USP8: variants seen among roughly 807,000 people sequenced by gnomAD.
The protein encoded by USP8 is ubiquitin specific peptidase 8, also known as ubiquitin carboxyl-terminal hydrolase 8.
Under a neutral mutation model 130.0 loss-of-function variants are expected in USP8, and 27 were observed. The ratio of observed to expected loss-of-function variants is 0.21; its 90% confidence interval spans 0.15 to 0.29. USP8 has a LOEUF of 0.29. Among genes scored for constraint, USP8 ranks in the 10% least tolerant of loss-of-function variants. The pLI is 1.00. For synonymous variants in USP8, 392 were observed against 444.1 expected (o/e 0.88, Z 1.48); for missense variants, 1,029 against 1,312.2 (o/e 0.78, Z 3.33).
intron 10 of USP8, among the ~76,000 whole-genome samples, chr15:50,479,201 G>A (rs2051677343): frequency 6.6e-6 from 1 of 152,232 alleles, no homozygotes; most frequent in African/African-American, 2.4e-5. Context: ...CTGGAGCACA[G>A]AGCAAGGAGA....
rs577721478 is a variant in USP8, at chr15:50,443,675, G to T, written c.249+2182G>T. 3.2e-4 allele frequency among the ~76,000 whole-genome samples: 48 copies of T among 151,654 alleles called. 1 individual carries two copies. The Middle Eastern group carries it at 0.01, about 32-fold the overall frequency. On this transcript the variant is annotated intron_variant, in intron 3 of 19. Transcript: ENST00000307179. ...ATTTTTGTGTTTTTAGTAGAGATGG[G>T]CTTTCACCATATTGGCCAGGCTGGT... is the stretch of plus-strand genomic sequence containing the variant.
chr15:50,490,412 T>C lies in USP8; in HGVS notation c.2121T>C (p.Asp707=), dbSNP rs767210381. 63 of 1,614,140 alleles carry C rather than the reference T, an allele frequency of 3.9e-5. 3 individuals are homozygous for C. The Middle Eastern group carries it at 6.6e-4, about 17-fold the overall frequency. ...KAKPQIPAER[D]REPSKLKRSY... is the part of the protein sequence containing the mutation. ...AGCCACAGATTCCTGCTGAGCGGGA[T>C]AGGGAACCTTCCAAACTGAAGCGCT... is the stretch of plus-strand genomic sequence containing the variant. The change falls in exon 14 of 20, where the codon GAT becomes GAC. Residue 707 remains aspartate (D), a synonymous_variant. Transcript: ENST00000307179.
chr15:50,465,029 GTCTC>G lies in USP8; in HGVS notation c.542-13_542-10del, dbSNP rs765305132. The G allele has an allele frequency of 3.1e-6, 5 of 1,612,434 alleles. No homozygotes were observed. Among genetic ancestry groups the G allele is most frequent in the Non-Finnish European group, 1.7e-6 (2 of 1,179,108 alleles). ...TGTGCTGTTTCTTGTCACTTACACT[GTCTC>G]TCTCAATTCCAAGGAGCAATCACAG... On this transcript the variant is annotated splice_polypyrimidine_tract_variant and intron_variant, in intron 6 of 19. Coordinates refer to ENST00000307179, the MANE Select transcript of USP8 (RefSeq NM_005154.5).
At chr15:50,433,847 C>T (rs563724057) in intron 1 of USP8, among the ~76,000 whole-genome samples, 66 of 152,282 alleles carry the variant, frequency 4.3e-4, no homozygotes, top group East Asian at 4.3e-3. Context: ...CCTCGTGATC[C>T]GCCCGCCTTG....
intron 12 of USP8, among the ~76,000 whole-genome samples, chr15:50,484,960 T>C (rs1418109699): frequency 1.3e-5 from 2 of 152,110 alleles, no homozygotes; most frequent in South Asian, 2.1e-4. Flanking sequence ...GAAAGTAGAA[T>C]GGTGGTTGTC....
In USP8 at chr15:50,499,000, A is replaced by G. The variant is rs1340335724; in HGVS notation, c.3269A>G (p.Asp1090Gly). Reference protein sequence around the residue: ...WFKFDDHEVSDISVSSVKSSA... With the variant: ...WFKFDDHEVSGISVSSVKSSA... Reference sequence around the variant, plus strand: ...AAGTTTGATGATCATGAAGTTTCTGATATCTCCGTTTCTTCTGTGAAATCT... The same window carrying G: ...AAGTTTGATGATCATGAAGTTTCTGGTATCTCCGTTTCTTCTGTGAAATCT... The change falls in exon 20 of 20, where the codon GAT becomes GGT. Residue 1090 changes from aspartate to glycine, a missense_variant. Physicochemically the swap from Asp to Gly is moderately conservative, Grantham distance 94 (BLOSUM62 -1). Coordinates refer to ENST00000307179, the MANE Select transcript of USP8 (RefSeq NM_005154.5). The G allele has an allele frequency of 6.8e-6, 11 of 1,613,848 alleles. No individual in the cohort carries two copies. Among genetic ancestry groups the G allele is most frequent in the African/African-American group, 2.7e-5 (2 of 74,910 alleles).
At chr15:50,431,771 C>G (rs1479747134) in intron 1 of USP8, among the ~76,000 whole-genome samples, 1 of 152,218 alleles carries the variant, frequency 6.6e-6, no homozygotes, top group East Asian at 1.9e-4. Flanking sequence ...ATTCTCCTGC[C>G]TCAGCCTCCT....
chr15:50,440,308 A>G (rs148836437), intron 2 of USP8, among the ~76,000 whole-genome samples: 1 of 152,286 alleles, frequency 6.6e-6, no homozygotes, highest in Non-Finnish European at 1.5e-5. Context: ...CTCTAGCACT[A>G]CCCTTATCCC....
At chr15:50,437,520 T>C (rs1350691240) in intron 1 of USP8, among the ~76,000 whole-genome samples, 1 of 152,242 alleles carries the variant, frequency 6.6e-6, no homozygotes, top group Non-Finnish European at 1.5e-5. Context: ...GTATGTTTTC[T>C]GGTTAAACTA....
intron 2 of USP8, among the ~76,000 whole-genome samples, chr15:50,441,110 A>C (rs901121899): frequency 1.3e-5 from 2 of 151,986 alleles, no homozygotes; most frequent in African/African-American, 4.8e-5. Context: ...CAGGAGGTGG[A>C]GCTCAGGTGG....
At chr15:50,496,180 C>T in intron 17 of USP8, 96 bp downstream of exon 17, 1 of 1,062,652 alleles carries the variant, frequency 9.4e-7, no homozygotes. Flanking sequence ...CCCTTACAAA[C>T]ATTTTATCAG....
intron 3 of USP8, among the ~76,000 whole-genome samples, chr15:50,448,872 G>A (rs768085598): frequency 6.6e-6 from 1 of 152,082 alleles, no homozygotes; most frequent in Non-Finnish European, 1.5e-5. Flanking sequence ...TAGTTGCTTA[G>A]AGTTTCCTAA....
chr15:50,505,433 AGAAT>A lies in USP8; in HGVS notation c.*6349_*6352del, dbSNP rs1276882581. ...GAATTTGATTTCTAGTTATCATCCA[AGAAT>A]GAAAGTGAATTAAAGACTTCTCAAA... On this transcript the variant is annotated 3_prime_UTR_variant, in exon 20 of 20. Coordinates refer to ENST00000307179, the MANE Select transcript of USP8 (RefSeq NM_005154.5). 6.6e-6 allele frequency: 1 copy of A among 152,234 alleles called. No homozygotes were observed. The highest frequency in any genetic ancestry group is 1.5e-5 in the Non-Finnish European group (1 of 68,038). 9.4% of individuals were successfully genotyped at this position (152,234 alleles called of 1,614,324 possible). A position where few individuals can be genotyped will look rare whatever the true frequency, so the allele number is the denominator to read the frequency against.
At chr15:50,485,765 A>T (rs890646373) in intron 12 of USP8, among the ~76,000 whole-genome samples, 1 of 151,796 alleles carries the variant, frequency 6.6e-6, no homozygotes, top group Non-Finnish European at 1.5e-5. Context: ...TCTGTAGATG[A>T]CTGGTTCCAC....
rs1211588467 is a variant in USP8 at position 50,498,684 on chromosome 15, G to T, written c.3127G>T (p.Gly1043Cys). ...ENLDLSQYVIGPKNNLKKYNL... is the reference protein window; with the variant it reads ...ENLDLSQYVICPKNNLKKYNL... Reference sequence around the variant, plus strand: ...TCTTGACTTGTCACAGTATGTTATTGGTCCAAAGAACAATTTGAAGAAATA... The same window carrying T: ...TCTTGACTTGTCACAGTATGTTATTTGTCCAAAGAACAATTTGAAGAAATA... Residue 1043 changes from glycine (G) to cysteine (C), a missense_variant, in exon 19 of 20, where the codon GGT becomes TGT. Coordinates refer to ENST00000307179, the MANE Select transcript of USP8 (RefSeq NM_005154.5). The T allele has an allele frequency of 3.1e-6, 5 of 1,612,144 alleles. No homozygotes were observed. The African/African-American group carries it at 5.3e-5, about 17-fold the overall frequency.
At chr15:50,492,969 T>A (rs774456958) in intron 15 of USP8, 56 bp downstream of exon 15, 1 of 1,486,730 alleles carries the variant, frequency 6.7e-7, no homozygotes, top group Non-Finnish European at 9.4e-7. Flanking sequence ...TCTAACCATA[T>A]TTACTGTCTT....
chr15:50,462,384 A>G (rs768814740), intron 6 of USP8, 62 bp downstream of exon 6: 4 of 1,437,416 alleles, frequency 2.8e-6, no homozygotes, highest in Non-Finnish European at 3.8e-6. Context: ...TAATCAGAAT[A>G]AGCATCAGGT....
chr15:50,429,085 TG>T (rs1057264414), intron 1 of USP8, among the ~76,000 whole-genome samples: 4 of 152,208 alleles, frequency 2.6e-5, no homozygotes, highest in Non-Finnish European at 5.9e-5. Flanking sequence ...TGTTTATTTC[TG>T]GAATTTTTTA....
chr15:50,455,195 C>T (rs1428284324), intron 4 of USP8, among the ~76,000 whole-genome samples: 7 of 151,290 alleles, frequency 4.6e-5, no homozygotes, highest in African/African-American at 1.7e-4. Flanking sequence ...CCCGCCTTCA[C>T]CTCCTGAACA....
Sources: allele counts gnomAD v4.1 joint callset (sites outside exome capture counted in the v4.1 genomes callset), GRCh38; gene constraint gnomAD v4.1.1; transcripts MANE v1.5; gene names NCBI Gene and HGNC (gene_info 2026-07-23, HGNC 2026-07-21).